Variants in TRERF1 observed in about 807,000 individuals in gnomAD.
TRERF1 encodes the protein transcriptional regulating factor 1.
A neutral mutation model predicts 122.9 loss-of-function variants in TRERF1; 27 were observed. The ratio of observed to expected loss-of-function variants is 0.22; its 90% CI spans 0.16 to 0.30. TRERF1 has a LOEUF of 0.30. TRERF1 is among the 10% of genes least tolerant of loss of function. TRERF1 has a pLI of 1.00. For missense variants in TRERF1, 1,248 were observed against 1,560.3 expected, an observed-to-expected ratio of 0.80 and a Z score of 3.37; for synonymous variants, 636 against 641.7, an observed-to-expected ratio of 0.99 and a Z score of 0.13.
chr6:42,274,957 C>T (rs1780904644), intron 4 of TRERF1, among the ~76,000 whole-genome samples: 1 of 152,178 alleles, frequency 6.6e-6, no homozygotes, highest in Non-Finnish European at 1.5e-5. Context: ...CCTCCACCTT[C>T]CACCCCCATC....
chr6:42,370,172 A>G (rs1236059548), intron 2 of TRERF1, among the ~76,000 whole-genome samples: 1 of 152,166 alleles, frequency 6.6e-6, no homozygotes, highest in Non-Finnish European at 1.5e-5. Context: ...GAATTTGGGA[A>G]AGCATATATT....
chr6:42,451,858 C>T (rs1485429555), intron 1 of TRERF1, among the ~76,000 whole-genome samples: 1 of 152,108 alleles, frequency 6.6e-6, no homozygotes, highest in Non-Finnish European at 1.5e-5. Flanking sequence ...CGCGTGCATC[C>T]ACCCTCCCCT....
intron 4 of TRERF1, among the ~76,000 whole-genome samples, chr6:42,282,450 A>G (rs1262623269): frequency 6.6e-6 from 1 of 152,206 alleles, no homozygotes; most frequent in Non-Finnish European, 1.5e-5. Flanking sequence ...TGGGAAGCTG[A>G]GGTGGGAGCA....
At chr6:42,364,065 C>T (rs1210498558) in intron 2 of TRERF1, among the ~76,000 whole-genome samples, 4 of 152,218 alleles carry the variant, frequency 2.6e-5, no homozygotes, top group Non-Finnish European at 5.9e-5. Flanking sequence ...AGCCAAAGTC[C>T]TTGAAATGGC....
rs74412090 is a variant in TRERF1 at position 42,370,575 on chromosome 6, C to T, written c.-453-7496G>A. 1.6e-3 allele frequency among the ~76,000 whole-genome samples: 242 copies of T among 152,238 alleles called. 5 individuals carry two copies. In the East Asian group the frequency reaches 0.042, roughly 26 times the overall value. On this transcript the variant is annotated intron_variant, in intron 2 of 17. Coordinates refer to ENST00000372922, the Ensembl canonical transcript of TRERF1. ...ATGAACCAAGGCATTATCTGATGTC[C>T]GAAACCTACATAGTTTAAAAAGCAA... is the stretch of plus-strand genomic sequence containing the variant.
chr6:42,260,845 C>T (rs1777709392), intron 8 of TRERF1, among the ~76,000 whole-genome samples: 1 of 152,182 alleles, frequency 6.6e-6, no homozygotes, highest in South Asian at 2.1e-4. Context: ...CTCTGGGCTC[C>T]TCTCCCTCCA....
chr6:42,448,523 A>T (rs557148949), intron 2 of TRERF1, among the ~76,000 whole-genome samples: 2 of 152,344 alleles, frequency 1.3e-5, no homozygotes, highest in East Asian at 3.9e-4. Flanking sequence ...ATGAGAAGAC[A>T]AAAACAGAAG....
At chr6:42,281,747 C>T (rs543877771) in intron 4 of TRERF1, among the ~76,000 whole-genome samples, 1 of 152,284 alleles carries the variant, frequency 6.6e-6, no homozygotes, top group African/African-American at 2.4e-5. Flanking sequence ...CCCAGCGTGG[C>T]ATCGATGAGC....
At chr6:42,408,226 T>TAC (rs1379295852) in intron 2 of TRERF1, among the ~76,000 whole-genome samples, 4 of 112,460 alleles carry the variant, frequency 3.6e-5, no homozygotes, top group Admixed American at 8.7e-5. Context: ...TATATATATA[T>TAC]ATGTGTGTGT....
At chr6:42,386,582 A>C (rs1776857390) in intron 2 of TRERF1, among the ~76,000 whole-genome samples, 5 of 152,206 alleles carry the variant, frequency 3.3e-5, no homozygotes, top group Admixed American at 3.3e-4. Context: ...AAGGCACTGG[A>C]TTAGAGAATT....
At chr6:42,395,977 T>TA (rs1374742708) in intron 2 of TRERF1, among the ~76,000 whole-genome samples, 2 of 152,132 alleles carry the variant, frequency 1.3e-5, no homozygotes, top group Non-Finnish European at 2.9e-5. Context: ...AATCAGTGGA[T>TA]AAGCAACTGC....
intron 4 of TRERF1, among the ~76,000 whole-genome samples, chr6:42,281,531 T>C (rs1406674927): frequency 6.6e-6 from 1 of 152,216 alleles, no homozygotes; most frequent in African/African-American, 2.4e-5. Context: ...TCAATGTTTA[T>C]GGAACACAGC....
At chr6:42,359,295 G>A (rs1010043892) in intron 3 of TRERF1, among the ~76,000 whole-genome samples, 2 of 152,152 alleles carry the variant, frequency 1.3e-5, no homozygotes, top group Non-Finnish European at 2.9e-5. Flanking sequence ...TAGTTTCTCA[G>A]TACTGCAGTA....
chr6:42,272,666 T>C (rs1314693041), intron 4 of TRERF1, among the ~76,000 whole-genome samples: 1 of 152,188 alleles, frequency 6.6e-6, no homozygotes, highest in Non-Finnish European at 1.5e-5. Context: ...CAGAAGACAG[T>C]GAGCAGGGAG....
intron 3 of TRERF1, among the ~76,000 whole-genome samples, chr6:42,328,345 A>C (rs758740803): frequency 2.6e-5 from 4 of 152,124 alleles, no homozygotes; most frequent in Non-Finnish European, 4.4e-5. Flanking sequence ...AACAAACAAA[A>C]AAACAACTTT....
chr6:42,351,999 GTGT>G (rs1554184797), intron 3 of TRERF1, among the ~76,000 whole-genome samples: 10 of 152,136 alleles, frequency 6.6e-5, no homozygotes, highest in Middle Eastern at 6.8e-3. Flanking sequence ...TTTGGTGCGG[GTGT>G]TGTTGTTGTT....
intron 2 of TRERF1, among the ~76,000 whole-genome samples, chr6:42,380,872 G>A (rs1025325321): frequency 1.2e-4 from 18 of 152,194 alleles, no homozygotes; most frequent in African/African-American, 4.3e-4. Context: ...CTTCTGCCCA[G>A]GCTGCCACAC....
chr6:42,268,600 G>A lies in TRERF1; in HGVS notation c.991C>T (p.Pro331Ser), dbSNP rs1561870712. 3 of 1,613,920 alleles carry A rather than the reference G, an allele frequency of 1.9e-6. No individual in the cohort carries two copies. The highest frequency in any genetic ancestry group is 2.7e-5 in the African/African-American group (2 of 74,916). The change falls in exon 5 of 18, where the codon CCC becomes TCC. Residue 331 changes from proline (P) to serine (S), a missense_variant. Pro to Ser is a moderately conservative substitution (Grantham distance 74). Coordinates refer to ENST00000372922, the Ensembl canonical transcript of TRERF1. The surrounding 1 kb of genome is among the most constrained non-coding windows in gnomAD (Gnocchi z 4.4). Reference sequence around the variant, plus strand: ...TGCTCTTGCAAGTGCTGCATCATGGGTTGGGGCTGATAATACTGAGGTATC... The same window carrying A: ...TGCTCTTGCAAGTGCTGCATCATGGATTGGGGCTGATAATACTGAGGTATC...
intron 17 of TRERF1, among the ~76,000 whole-genome samples, chr6:42,229,632 T>G (rs2149461815): frequency 6.6e-6 from 1 of 152,276 alleles, no homozygotes; most frequent in South Asian, 2.1e-4. Context: ...CTACATCTAC[T>G]ACTCCCTTTC....
Sources: gnomAD v4.1 joint callset for allele counts (sites outside exome capture counted in the v4.1 genomes callset) on GRCh38, gnomAD v4.1.1 for gene constraint, Gnocchi (gnomAD v3.1) non-coding constraint, MANE v1.5 for transcripts, NCBI Gene and HGNC (gene_info 2026-07-23, HGNC 2026-07-21) for gene names.